HMGCLL1: variants seen among roughly 807,000 people sequenced by gnomAD.
HMGCLL1 encodes the protein 3-hydroxy-3-methylglutaryl-CoA lyase like 1.
In HMGCLL1, 36 loss-of-function variants were observed where a neutral mutation model predicts 39.1. The observed-to-expected ratio is 0.92, with a 90% CI of 0.71 to 1.22. The LOEUF (loss-of-function observed/expected upper bound fraction) is 1.22, where lower values mean the gene tolerates loss of function less well. HMGCLL1 is among the 50% of genes most tolerant of loss of function. The pLI, the probability that HMGCLL1 is intolerant of heterozygous loss-of-function variation, is 0.00. For synonymous variants in HMGCLL1, 149 were observed against 144.0 expected, an observed-to-expected ratio of 1.03 and a Z score of -0.25; for missense variants, 451 against 416.5, an observed-to-expected ratio of 1.08 and a Z score of -0.72.
chr6:55,553,331 G>A (rs937376315), intron 1 of HMGCLL1, among the ~76,000 whole-genome samples: 2 of 150,752 alleles, frequency 1.3e-5, no homozygotes, highest in Admixed American at 6.6e-5. Flanking sequence ...CCAGCTACTC[G>A]GGAGGTTGAG....
At chr6:55,650,799 GCCTCTC>G in the HMGCLL1 span, among the ~76,000 whole-genome samples, 2 of 152,002 alleles carry the variant, frequency 1.3e-5, no homozygotes, top group Non-Finnish European at 2.9e-5. Flanking sequence ...AGGCAGAGGA[GCCTCTC>G]CCTATGGCTT....
chr6:55,513,463 AAGC>A (rs1767570084), intron 5 of HMGCLL1: 1 of 152,196 alleles, frequency 6.6e-6, no homozygotes, highest in Non-Finnish European at 1.5e-5. Context: ...TATCTTCTAT[AAGC>A]AATTTATCAA....
At chr6:55,550,401 A>G (rs1024604632) in intron 1 of HMGCLL1, among the ~76,000 whole-genome samples, 7 of 151,910 alleles carry the variant, frequency 4.6e-5, no homozygotes, top group African/African-American at 1.5e-4. Flanking sequence ...GAAAGGCCAT[A>G]TCAGCTCCTG....
the HMGCLL1 span, among the ~76,000 whole-genome samples, chr6:55,624,530 T>A: frequency 6.6e-6 from 1 of 152,204 alleles, no homozygotes; most frequent in Non-Finnish European, 1.5e-5. Flanking sequence ...TTTGTCCTAA[T>A]CTTATTCAGA....
At chr6:55,588,457 G>A in the HMGCLL1 span, among the ~76,000 whole-genome samples, 145 of 152,078 alleles carry the variant, frequency 9.5e-4, no homozygotes, top group African/African-American at 2.3e-3. Flanking sequence ...AAGCAGGAAA[G>A]ATCTAAAATT....
the HMGCLL1 span, among the ~76,000 whole-genome samples, chr6:55,593,783 T>C: frequency 6.6e-6 from 1 of 152,156 alleles, no homozygotes; most frequent in Non-Finnish European, 1.5e-5. Flanking sequence ...GTCCTAACAG[T>C]TTCTCATATA....
At chr6:55,555,400 A>C (rs940619277) in intron 1 of HMGCLL1, among the ~76,000 whole-genome samples, 2 of 151,868 alleles carry the variant, frequency 1.3e-5, no homozygotes, top group Non-Finnish European at 2.9e-5. Context: ...TACTCCCCTT[A>C]CTCTTTATTA....
intron 3 of HMGCLL1, among the ~76,000 whole-genome samples, chr6:55,534,756 A>C (rs887854181): frequency 1.3e-5 from 2 of 152,196 alleles, no homozygotes; most frequent in African/African-American, 4.8e-5. Context: ...CCATAAGCAA[A>C]AACAAATGTT....
chr6:55,517,157 TACC>T (rs1767784076), intron 3 of HMGCLL1, among the ~76,000 whole-genome samples: 1 of 152,078 alleles, frequency 6.6e-6, no homozygotes, highest in Non-Finnish European at 1.5e-5. Flanking sequence ...ATCATAGTAT[TACC>T]ACGTTTTCAT....
chr6:55,572,754 A>G (rs1159788435), intron 1 of HMGCLL1, among the ~76,000 whole-genome samples: 1 of 152,196 alleles, frequency 6.6e-6, no homozygotes, highest in Non-Finnish European at 1.5e-5. Flanking sequence ...TAATTTCCTT[A>G]TTATATAATC....
At chr6:55,607,835 T>C in the HMGCLL1 span, among the ~76,000 whole-genome samples, 1 of 152,174 alleles carries the variant, frequency 6.6e-6, no homozygotes, top group Non-Finnish European at 1.5e-5. Flanking sequence ...CAAGGTTCTT[T>C]GAAACCTGGT....
At chr6:55,542,595 T>C (rs1030835078) in intron 1 of HMGCLL1, among the ~76,000 whole-genome samples, 2 of 151,404 alleles carry the variant, frequency 1.3e-5, no homozygotes, top group Non-Finnish European at 2.9e-5. Context: ...CTGGCCAACA[T>C]AGTGTAACCC....
At chr6:55,608,873 G>T in the HMGCLL1 span, among the ~76,000 whole-genome samples, 1 of 152,186 alleles carries the variant, frequency 6.6e-6, no homozygotes, top group African/African-American at 2.4e-5. Flanking sequence ...CAGCAACCAA[G>T]GTATCCAGGT....
chr6:55,469,980 C>T (rs1450192980), intron 7 of HMGCLL1, among the ~76,000 whole-genome samples: 1 of 151,860 alleles, frequency 6.6e-6, no homozygotes, highest in Admixed American at 6.6e-5. Flanking sequence ...AGTTTTCCAG[C>T]TTCCGCAGCT....
chr6:55,569,447 C>T (rs1046045759), intron 1 of HMGCLL1, among the ~76,000 whole-genome samples: 3 of 152,118 alleles, frequency 2.0e-5, no homozygotes, highest in African/African-American at 7.2e-5. Context: ...TTAGGTGACT[C>T]TTATCACAAG....
chr6:55,656,176 C>T, the HMGCLL1 span, among the ~76,000 whole-genome samples: 2 of 151,928 alleles, frequency 1.3e-5, no homozygotes, highest in Non-Finnish European at 2.9e-5. Flanking sequence ...AGATGTCCCT[C>T]CTACCTCACT....
the HMGCLL1 span, among the ~76,000 whole-genome samples, chr6:55,600,306 A>C: frequency 6.6e-6 from 1 of 152,160 alleles, no homozygotes; most frequent in Admixed American, 6.5e-5. Context: ...CCTTTGCTTA[A>C]ACTAACTTCT....
chr6:55,655,900 T>G, the HMGCLL1 span, among the ~76,000 whole-genome samples: 1 of 152,060 alleles, frequency 6.6e-6, no homozygotes, highest in Non-Finnish European at 1.5e-5. Flanking sequence ...ATTCCTATTT[T>G]AATGTTCTCC....
chr6:55,447,147 G>A (rs1032498390), intron 7 of HMGCLL1, among the ~76,000 whole-genome samples: 7 of 151,862 alleles, frequency 4.6e-5, no homozygotes, highest in African/African-American at 1.2e-4. Flanking sequence ...CAGTGGCCAC[G>A]CTTATTTCCA....
Sources: gnomAD v4.1 joint callset for allele counts (sites outside exome capture counted in the v4.1 genomes callset) on GRCh38, gnomAD v4.1.1 for gene constraint, MANE v1.5 for transcripts, NCBI Gene and HGNC (gene_info 2026-07-23, HGNC 2026-07-21) for gene names.